LEMD1: variants seen among roughly 807,000 people sequenced by gnomAD.
The protein encoded by LEMD1 is LEM domain-containing protein 1.
In LEMD1, 18 loss-of-function variants were observed where a neutral mutation model predicts 17.4. That is an observed-to-expected ratio of 1.04 (90% CI 0.72 to 1.54). The LOEUF (loss-of-function observed/expected upper bound fraction) is 1.54. Among genes scored for constraint, LEMD1 ranks in the 40% most tolerant of loss-of-function variants. The probability of loss-of-function intolerance (pLI) is 0.00; values close to 1 mark genes in which losing one functional copy is unlikely to be tolerated. For missense variants in LEMD1, 195 were observed against 210.4 expected, an observed-to-expected ratio of 0.93 and a Z score of 0.45; for synonymous variants, 88 against 77.8, an observed-to-expected ratio of 1.13 and a Z score of -0.69.
intron 1 of LEMD1, among the ~76,000 whole-genome samples, chr1:205,438,679 C>T (rs1666246392): frequency 6.6e-6 from 1 of 152,156 alleles, no homozygotes; most frequent in Non-Finnish European, 1.5e-5. Flanking sequence ...CAACCTCAGC[C>T]CTGGGTGAAG....
chr1:205,424,309 G>GATATTTCAGGCCGA (rs1666028867), upstream of LEMD1, among the ~76,000 whole-genome samples: 1 of 152,190 alleles, frequency 6.6e-6, no homozygotes, highest in Non-Finnish European at 1.5e-5. Context: ...CATTTCCCCA[G>GATATTTCAGGCCGA]ATATTTCAGG....
At chr1:205,399,876 G>A (rs976544072) in intron 4 of LEMD1, among the ~76,000 whole-genome samples, 1 of 152,164 alleles carries the variant, frequency 6.6e-6, no homozygotes, top group Non-Finnish European at 1.5e-5. Context: ...ACTAATAAAT[G>A]AAGAAGGACT....
intron 1 of LEMD1, among the ~76,000 whole-genome samples, chr1:205,427,261 G>A (rs1666069496): frequency 6.6e-6 from 1 of 151,784 alleles, no homozygotes; most frequent in Admixed American, 6.6e-5. Context: ...CTCACAGTAA[G>A]CGCTCACAAG....
rs1442641572 is a variant in LEMD1, at chr1:205,448,217, C to T, written c.-39+1651G>A. 2 of 469,724 alleles carry T rather than the reference C, an allele frequency of 4.3e-6. No individual in the cohort carries two copies. Among genetic ancestry groups the T allele is most frequent in the Non-Finnish European group, 8.9e-6 (2 of 224,524 alleles). The allele number at this position is 469,724 out of a possible 1,614,324, so 29.1% of individuals were successfully genotyped here. ...CAGGTTACCAGATCCCGTGATGCCC[C>T]ACCCCCAAGCAAAGCCTCCTTCTGG... On this transcript the variant is annotated intron_variant, in intron 1 of 3. Transcript: ENST00000367154. The surrounding 1 kb of genome is among the most constrained non-coding windows in gnomAD (Gnocchi z 4.7).
chr1:205,438,506 G>A (rs1024222201), intron 1 of LEMD1, among the ~76,000 whole-genome samples: 4 of 152,252 alleles, frequency 2.6e-5, no homozygotes, highest in African/African-American at 9.6e-5. Flanking sequence ...CAAGGGCCTA[G>A]AGGAGGGCAC....
chr1:205,438,784 A>T (rs183205760), intron 1 of LEMD1, among the ~76,000 whole-genome samples: 94 of 152,130 alleles, frequency 6.2e-4, no homozygotes, highest in African/African-American at 2.0e-3. Context: ...GCCAGGGCTC[A>T]AGATATCTAG....
chr1:205,448,355 C>G lies in LEMD1; in HGVS notation c.-39+1513G>C, dbSNP rs139405984. ...CTTTTAGCCCTACATGAGTTTGGGA[C>G]AGCAATCACATAGGAATGAAAAGCC... On this transcript the variant is annotated intron_variant, in intron 1 of 3. Coordinates refer to the LEMD1 transcript ENST00000367154. The surrounding 1 kb of genome is among the most constrained non-coding windows in gnomAD (Gnocchi z 4.7). 53 of 534,524 alleles carry G rather than the reference C, an allele frequency of 9.9e-5. No individual in the cohort carries two copies. The East Asian group carries it at 2.8e-3, about 28-fold the overall frequency. The allele number at this position is 534,524 out of a possible 1,614,324, so 33.1% of individuals were successfully genotyped here. A position where few individuals can be genotyped will look rare whatever the true frequency, so the allele number is the denominator to read the frequency against.
upstream of LEMD1, among the ~76,000 whole-genome samples, chr1:205,424,177 C>G (rs1369786497): frequency 6.6e-6 from 1 of 152,198 alleles, no homozygotes; most frequent in Non-Finnish European, 1.5e-5. Context: ...GAGAAATCAA[C>G]TAAAGCAAAG....
At chr1:205,400,866 T>C (rs1446819722) in intron 4 of LEMD1, among the ~76,000 whole-genome samples, 3 of 92,830 alleles carry the variant, frequency 3.2e-5, no homozygotes, top group Non-Finnish European at 6.1e-5. Context: ...CCCACAACAG[T>C]CACCAGAGTG....
chr1:205,438,359 T>C (rs1232133732), intron 1 of LEMD1, among the ~76,000 whole-genome samples: 2 of 152,228 alleles, frequency 1.3e-5, no homozygotes, highest in East Asian at 1.9e-4. Context: ...GAGAGAACCA[T>C]GGAGAGAGGA....
Position 205,441,718 on chromosome 1 carries a change from T to C in LEMD1, c.-39+8150A>G, listed in dbSNP as rs922876243. On this transcript the variant is annotated intron_variant, in intron 1 of 3. Coordinates refer to the LEMD1 transcript ENST00000367154. This position sits in a 1 kb window ranked among gnomAD's most constrained non-coding sequence, Gnocchi z 4.3. ...AGAAGAGACAGCAAAGAGGGTTCTT[T>C]TAGCCAACAGGCTCTTTTATTTAGC... is the stretch of plus-strand genomic sequence containing the variant. Among the ~76,000 whole-genome samples the C allele has an allele frequency of 1.3e-5, 2 of 152,238 alleles. No individual in the cohort carries two copies. Among genetic ancestry groups the C allele is most frequent in the African/African-American group, 4.8e-5 (2 of 41,466 alleles).
chr1:205,429,206 G>A (rs959134110), intron 1 of LEMD1, among the ~76,000 whole-genome samples: 9 of 152,238 alleles, frequency 5.9e-5, no homozygotes, highest in African/African-American at 2.2e-4. Flanking sequence ...TTCTGGTCCA[G>A]TTTAATTTGC....
intron 4 of LEMD1, among the ~76,000 whole-genome samples, chr1:205,384,899 T>C (rs1454759312): frequency 6.6e-6 from 1 of 151,704 alleles, no homozygotes; most frequent in African/African-American, 2.4e-5. Flanking sequence ...AAGCCCCATT[T>C]ACCCATTAAC....
intron 4 of LEMD1, among the ~76,000 whole-genome samples, chr1:205,389,248 T>C (rs1664216534): frequency 6.6e-6 from 1 of 151,864 alleles, no homozygotes; most frequent in Non-Finnish European, 1.5e-5. Context: ...GGGGAGTCAC[T>C]ATGTTGGCCA....
At chr1:205,409,272 G>A (rs1191888054) in intron 4 of LEMD1, among the ~76,000 whole-genome samples, 1 of 152,114 alleles carries the variant, frequency 6.6e-6, no homozygotes, top group African/African-American at 2.4e-5. Context: ...ACATTCTGCA[G>A]CACTTAAAAG....
At chr1:205,401,796 G>A (rs1664865960) in intron 4 of LEMD1, among the ~76,000 whole-genome samples, 1 of 152,120 alleles carries the variant, frequency 6.6e-6, no homozygotes, top group Non-Finnish European at 1.5e-5. Flanking sequence ...GTTCTGAATG[G>A]TAATGCCTAG....
intron 4 of LEMD1, among the ~76,000 whole-genome samples, chr1:205,400,853 C>CCG (rs1553393648): frequency 3.0e-5 from 3 of 99,804 alleles, no homozygotes; most frequent in Non-Finnish European, 2.1e-5. Context: ...TCCCCCCCCC[C>CCG]ACCCCACAAC....
At chr1:205,386,669 A>T (rs1664045287) in intron 4 of LEMD1, 1 of 152,238 alleles carries the variant, frequency 6.6e-6, no homozygotes, top group Admixed American at 6.5e-5. Context: ...AGGCCTTTGC[A>T]TATGTGGGAA....
rs149004830 is a variant in LEMD1, at chr1:205,399,108, G to A, written c.271-14744C>T. ...TGCAAGCCTGTAGTTCCAGCTACTC[G>A]GGAGGTTGAGGCAGGAGAATTACTC... On this transcript the variant is annotated intron_variant, in intron 4 of 5. Transcript: ENST00000367153. Among the ~76,000 whole-genome samples the A allele has an allele frequency of 2.4e-3, 365 of 152,086 alleles. 1 individual carries two copies. The highest frequency in any genetic ancestry group is 8.4e-3 in the African/African-American group (349 of 41,464).
Sources: allele counts gnomAD v4.1 joint callset (sites outside exome capture counted in the v4.1 genomes callset), GRCh38; gene constraint gnomAD v4.1.1; non-coding constraint Gnocchi (gnomAD v3.1); transcripts MANE v1.5; gene names NCBI Gene and HGNC (gene_info 2026-07-23, HGNC 2026-07-21).